EIF4ENIF1: variants seen among roughly 807,000 people sequenced by gnomAD.
EIF4ENIF1 encodes the protein eukaryotic translation initiation factor 4E nuclear import factor 1.
EIF4ENIF1 carries 23 observed loss-of-function variants against 110.5 expected under a neutral mutation model. That is an observed-to-expected ratio of 0.21 (90% CI 0.15 to 0.29). EIF4ENIF1 has a LOEUF of 0.29. Ranked by LOEUF, EIF4ENIF1 falls within the 10% of genes least tolerant of loss-of-function variation. EIF4ENIF1 has a pLI of 1.00. For missense variants in EIF4ENIF1, 1,031 were observed against 1,221.1 expected (o/e 0.84, Z 2.32); for synonymous variants, 440 against 437.0 (o/e 1.01, Z -0.09).
chr22:31,489,306 C>T (rs1312384445), intron 1 of EIF4ENIF1: 1 of 153,008 alleles, frequency 6.5e-6, no homozygotes, highest in African/African-American at 2.4e-5. Flanking sequence ...CTTGGCTTCC[C>T]CGGGCCGCGA....
In EIF4ENIF1 at chr22:31,489,779, C is replaced by G. The variant is rs2052194796; in HGVS notation, c.-113G>C. 1 of 152,098 alleles carries G rather than the reference C, an allele frequency of 6.6e-6. No individual in the cohort carries two copies. The highest frequency in any genetic ancestry group is 2.4e-5 in the African/African-American group (1 of 41,294). The allele number at this position is 152,098 out of a possible 1,614,324, so 9.4% of individuals were successfully genotyped here. A position where few individuals can be genotyped will look rare whatever the true frequency, so the allele number is the denominator to read the frequency against. ...GCACCGGTCCCAGCGCCGCTCCCCG[C>G]AGCCTTCGCTCTCGCGCCCCCACCC... is the stretch of plus-strand genomic sequence containing the variant. On this transcript the variant is annotated 5_prime_UTR_variant, in exon 1 of 19. Transcript: ENST00000330125.
Position 31,471,016 on chromosome 22 carries a change from C to CAA in EIF4ENIF1, c.170+826_170+827dup, listed in dbSNP as rs879352107. 7.0e-3 allele frequency among the ~76,000 whole-genome samples: 588 copies of CAA among 83,544 alleles called. 1 individual carries two copies. Among genetic ancestry groups the CAA allele is most frequent in the African/African-American group, 0.025 (567 of 22,482 alleles). 54.8% of individuals were successfully genotyped at this position (83,544 alleles called of 152,430 possible). A position where few individuals can be genotyped will look rare whatever the true frequency, so the allele number is the denominator to read the frequency against. Reference sequence around the variant, plus strand: ...AAAAAGAGTGAAACTCTGTCTCGGACAAAAAAAAAAAAAGAAAAGAAATGA... The same window carrying CAA: ...AAAAAGAGTGAAACTCTGTCTCGGACAAAAAAAAAAAAAAAGAAAAGAAATGA... On this transcript the variant is annotated intron_variant, in intron 3 of 18. Transcript: ENST00000330125.
At position 31,440,241 on chromosome 22, in the gene EIF4ENIF1, T is replaced by C. The variant is rs1268404026; in HGVS notation, c.2717-120A>G. The C allele has an allele frequency of 7.1e-6, 10 of 1,412,974 alleles. No individual in the cohort carries two copies. The African/African-American group carries it at 1.3e-4, about 18-fold the overall frequency. 87.5% of individuals were successfully genotyped at this position (1,412,974 alleles called of 1,614,324 possible). Reference sequence around the variant, plus strand: ...TAGAGGATTTTTTCTAGGGCTTCTTTAGAAACTCCTTTGCAAAATACCAAC... The same window carrying C: ...TAGAGGATTTTTTCTAGGGCTTCTTCAGAAACTCCTTTGCAAAATACCAAC... On this transcript the variant is annotated intron_variant, in intron 18 of 18. Coordinates refer to ENST00000330125, the MANE Select transcript of EIF4ENIF1 (RefSeq NM_019843.4).
chr22:31,487,672 C>G (rs959068907), intron 2 of EIF4ENIF1, among the ~76,000 whole-genome samples: 1 of 151,986 alleles, frequency 6.6e-6, no homozygotes, highest in African/African-American at 2.4e-5. Context: ...CGCCTGTGGT[C>G]CCAGCTACTC....
upstream of EIF4ENIF1, among the ~76,000 whole-genome samples, chr22:31,490,368 C>T (rs928361420): frequency 6.6e-6 from 1 of 152,210 alleles, no homozygotes; most frequent in Non-Finnish European, 1.5e-5. Flanking sequence ...GGGTTCGAAC[C>T]TCAGCTGTTT....
At chr22:31,466,397 A>G (rs931802763) in intron 4 of EIF4ENIF1, among the ~76,000 whole-genome samples, 2 of 139,834 alleles carry the variant, frequency 1.4e-5, no homozygotes, top group East Asian at 2.1e-4. Flanking sequence ...TGGGTGACAG[A>G]GCAAGACTCT....
chr22:31,450,838 A>AC (rs1410452130), intron 10 of EIF4ENIF1: 4 of 157,828 alleles, frequency 2.5e-5, no homozygotes, highest in African/African-American at 2.7e-5. Context: ...ACACATATAT[A>AC]TATACTACAC....
chr22:31,445,272 G>A lies in EIF4ENIF1; in HGVS notation c.1989-582C>T, dbSNP rs2050426754. Among the ~76,000 whole-genome samples, 8 of 150,930 alleles carry A rather than the reference G, an allele frequency of 5.3e-5. No individual in the cohort carries two copies. The Admixed American group carries it at 5.3e-4, about 10-fold the overall frequency. ...CAGTGCCTGGCACAGAACTGATGCT[G>A]TGTGTGACACTCGTTCAAATCAAAT... On this transcript the variant is annotated intron_variant, in intron 14 of 18. Coordinates refer to ENST00000330125, the MANE Select transcript of EIF4ENIF1 (RefSeq NM_019843.4).
chr22:31,442,189 T>TA, intron 16 of EIF4ENIF1, 71 bp from the exon 17 acceptor site: 1 of 1,175,656 alleles, frequency 8.5e-7, no homozygotes, highest in Non-Finnish European at 1.2e-6. Context: ...ACTGGTCTAA[T>TA]AAATCTCATT....
intron 2 of EIF4ENIF1, among the ~76,000 whole-genome samples, chr22:31,479,805 G>T (rs1278079847): frequency 6.6e-6 from 1 of 151,144 alleles, no homozygotes; most frequent in Non-Finnish European, 1.5e-5. Context: ...AAAACTCATG[G>T]ACTCAAGTGA....
In EIF4ENIF1 at chr22:31,439,647, A is replaced by G. The variant is rs1230603088; in HGVS notation, c.*233T>C. ...TTCACATATCTTACAAAAAAGAAAG[A>G]CCATTTCCAGGATTGACAACATTGT... On this transcript the variant is annotated 3_prime_UTR_variant, in exon 19 of 19. Transcript: ENST00000330125. The G allele has an allele frequency of 6.9e-6, 4 of 581,114 alleles. No homozygotes were observed. Among genetic ancestry groups the G allele is most frequent in the Non-Finnish European group, 1.2e-5 (4 of 345,522 alleles). 36.0% of individuals were successfully genotyped at this position (581,114 alleles called of 1,614,324 possible).
intron 4 of EIF4ENIF1, 42 bp downstream of exon 4, chr22:31,468,133 C>T (rs2051251482): frequency 4.4e-6 from 7 of 1,595,088 alleles, no homozygotes; most frequent in Middle Eastern, 1.7e-4. Context: ...AAAGCATGTC[C>T]CCAAAATCAC....
At chr22:31,447,155 CTAAT>C in intron 14 of EIF4ENIF1, 1 of 418,460 alleles carries the variant, frequency 2.4e-6, no homozygotes, top group Non-Finnish European at 4.4e-6. Flanking sequence ...TTCCATATGG[CTAAT>C]TAGCAAACTC....
At position 31,457,877 on chromosome 22, in the gene EIF4ENIF1, A is replaced by G. The variant is rs190035068; in HGVS notation, c.963+598T>C. ...AAGATAAGCATGATACATCACTGTG[A>G]AAAATTGGGGAGTGTATCCAAAATA... On this transcript the variant is annotated intron_variant, in intron 7 of 18. Coordinates refer to ENST00000330125, the MANE Select transcript of EIF4ENIF1 (RefSeq NM_019843.4). 5.2e-3 allele frequency among the ~76,000 whole-genome samples: 786 copies of G among 152,312 alleles called. 5 individuals are homozygous for G. The highest frequency in any genetic ancestry group is 0.018 in the African/African-American group (744 of 41,578).
At chr22:31,455,790 A>G in intron 8 of EIF4ENIF1, 62 bp downstream of exon 8, 1 of 1,601,560 alleles carries the variant, frequency 6.2e-7, no homozygotes, top group South Asian at 1.1e-5. Flanking sequence ...TGAAGATAAA[A>G]TGAACCATAT....
chr22:31,441,843 G>T lies in EIF4ENIF1; in HGVS notation c.2482C>A (p.Pro828Thr). ...PMVRPAHQLHPGLVQRMLAQG... is the reference protein window; with the variant it reads ...PMVRPAHQLHTGLVQRMLAQG... ...GCCAGCATCCTCTGTACCAACCCTGGGTGAAGCTGGTGAGCAGGCCTAACC... is the reference window on the plus strand; with the variant it reads ...GCCAGCATCCTCTGTACCAACCCTGTGTGAAGCTGGTGAGCAGGCCTAACC... Residue 828 changes from proline to threonine, a missense_variant, in exon 17 of 19, where the codon CCA becomes ACA. This residue lies in a region of EIF4ENIF1 where 309 missense variants were observed against 299.1 expected (regional missense o/e 1.03). Coordinates refer to ENST00000330125, the MANE Select transcript of EIF4ENIF1 (RefSeq NM_019843.4). 6.2e-7 allele frequency: 1 copy of T among 1,614,164 alleles called. No homozygotes were observed. Among genetic ancestry groups the T allele is most frequent in the Non-Finnish European group, 8.5e-7 (1 of 1,180,040 alleles).
intron 3 of EIF4ENIF1, among the ~76,000 whole-genome samples, chr22:31,470,290 G>GTT (rs572845057): frequency 2.0e-5 from 3 of 149,456 alleles, no homozygotes; most frequent in African/African-American, 7.4e-5. Flanking sequence ...TTGTTGTTTT[G>GTT]TTTTTTTTGA....
At chr22:31,456,499 A>T (rs2050833596) in intron 7 of EIF4ENIF1, among the ~76,000 whole-genome samples, 1 of 151,512 alleles carries the variant, frequency 6.6e-6, no homozygotes. Flanking sequence ...CTGGGATTAC[A>T]AGCATGAGCC....
intron 2 of EIF4ENIF1, among the ~76,000 whole-genome samples, chr22:31,484,832 C>G (rs1276538641): frequency 6.6e-6 from 1 of 152,190 alleles, no homozygotes; most frequent in Non-Finnish European, 1.5e-5. Flanking sequence ...AACTCCACCT[C>G]AAAATCACCA....
Sources: allele counts gnomAD v4.1 joint callset (sites outside exome capture counted in the v4.1 genomes callset), GRCh38; gene constraint gnomAD v4.1.1; regional missense constraint gnomAD v4.1.1; transcripts MANE v1.5; gene names NCBI Gene and HGNC (gene_info 2026-07-23, HGNC 2026-07-21).